PEAR1: variants seen among roughly 807,000 people sequenced by gnomAD.
PEAR1 encodes multiple EGF-like domains protein 12.
Under a neutral mutation model 131.2 loss-of-function variants are expected in PEAR1, and 113 were observed. The observed-to-expected ratio is 0.86, with a 90% CI of 0.74 to 1.01. PEAR1 has a LOEUF of 1.01. Ranked by LOEUF, PEAR1 falls within the 50% of genes least tolerant of loss-of-function variation. The probability of loss-of-function intolerance (pLI) is 0.00; values close to 1 mark genes in which losing one functional copy is unlikely to be tolerated. For missense variants in PEAR1, 1,408 were observed against 1,391.1 expected (o/e 1.01, Z -0.19); for synonymous variants, 565 against 523.3 (o/e 1.08, Z -1.09).
rs992998880 is a variant in PEAR1 at position 156,908,640 on chromosome 1, C to T, written c.1116-15C>T. On this transcript the variant is annotated splice_polypyrimidine_tract_variant and intron_variant, in intron 9 of 22. Coordinates refer to ENST00000292357, the MANE Select transcript of PEAR1 (RefSeq NM_001080471.3). This position sits in a 1 kb window ranked among gnomAD's most constrained non-coding sequence, Gnocchi z 4.2. ...CCCAGCTCAGACCGCGCCACGCCCC[C>T]GCCTCTGCCCCCAGCTGCCACCCGA... The T allele has an allele frequency of 2.6e-6, 4 of 1,512,166 alleles. No homozygotes were observed. The highest frequency in any genetic ancestry group is 2.8e-5 in the African/African-American group (2 of 72,516). The allele number at this position is 1,512,166 out of a possible 1,614,324, so 93.7% of individuals were successfully genotyped here.
At chr1:156,912,190 A>G (rs1192527138) in intron 15 of PEAR1, 57 bp from the exon 16 acceptor site, 2 of 1,555,114 alleles carry the variant, frequency 1.3e-6, no homozygotes, top group East Asian at 2.3e-5. Flanking sequence ...GGGGGCTGAG[A>G]GTTCATCCAG....
intron 1 of PEAR1, among the ~76,000 whole-genome samples, chr1:156,894,719 T>C (rs895789087): frequency 5.3e-5 from 8 of 152,202 alleles, no homozygotes; most frequent in Non-Finnish European, 1.5e-5. Context: ...TCCACTCCCC[T>C]GTTCTGGCCT....
rs4661076 is a variant in PEAR1 at position 156,908,628 on chromosome 1, G to A, written c.1116-27G>A. 82,557 of 1,498,660 alleles carry A rather than the reference G, an allele frequency of 0.055. 7,047 individuals are homozygous for A. Among genetic ancestry groups the A allele is most frequent in the East Asian group, 0.41 (16,604 of 40,478 alleles). The allele number at this position is 1,498,660 out of a possible 1,614,324, so 92.8% of individuals were successfully genotyped here. ...GCCCTGCCCCTGCCCAGCTCAGACC[G>A]CGCCACGCCCCCGCCTCTGCCCCCA... On this transcript the variant is annotated intron_variant, in intron 9 of 22. Transcript: ENST00000292357. The surrounding 1 kb of genome is among the most constrained non-coding windows in gnomAD (Gnocchi z 4.2).
chr1:156,911,069 CT>C (rs879378816), intron 15 of PEAR1, among the ~76,000 whole-genome samples: 1 of 115,572 alleles, frequency 8.7e-6, no homozygotes, highest in Admixed American at 8.5e-5. Context: ...TTCTTTCTTT[CT>C]TTCTTTCTTT....
chr1:156,895,208 C>G, intron 1 of PEAR1, among the ~76,000 whole-genome samples: 1 of 152,250 alleles, frequency 6.6e-6, no homozygotes, highest in East Asian at 1.9e-4. Flanking sequence ...CCTCTGTCCC[C>G]CCTCAACATC....
chr1:156,905,268 C>A, intron 3 of PEAR1, 56 bp from the exon 4 acceptor site: 1 of 1,560,726 alleles, frequency 6.4e-7, no homozygotes. Flanking sequence ...CCTGGCCACA[C>A]TGTGGTGAGT....
Position 156,905,324 on chromosome 1 carries a change from G to T in PEAR1, c.207G>T (p.Thr69=). 1.2e-6 allele frequency: 2 copies of T among 1,611,336 alleles called. No homozygotes were observed. Among genetic ancestry groups the T allele is most frequent in the Non-Finnish European group, 1.7e-6 (2 of 1,179,620 alleles). Residue 69 remains threonine, a splice_region_variant and synonymous_variant, in exon 4 of 23, where the codon ACG becomes ACT. Coordinates refer to ENST00000292357, the MANE Select transcript of PEAR1 (RefSeq NM_001080471.3). The part of the protein sequence containing the change: ...WEGPHTCPQP[T]VVYRTVYRQV... ...AGGGCCGCCTTCCTGGCCTCCGCAG[G>T]GTTGTATACCGGACCGTGTACCGTC... is the stretch of plus-strand genomic sequence containing the variant.
chr1:156,910,708 G>A lies in PEAR1; in HGVS notation c.1916G>A (p.Cys639Tyr). The A allele has an allele frequency of 1.3e-5, 21 of 1,614,122 alleles. No homozygotes were observed. Among genetic ancestry groups the A allele is most frequent in the Non-Finnish European group, 1.8e-5 (21 of 1,180,032 alleles). ...FCHPSNGTCYCLAGWTGPDCS... is the reference protein window; with the variant it reads ...FCHPSNGTCYYLAGWTGPDCS... Reference sequence around the variant, plus strand: ...CACCCCTCGAACGGGACCTGCTACTGCCTGGCTGGCTGGACAGGCCCCGAC... The same window carrying A: ...CACCCCTCGAACGGGACCTGCTACTACCTGGCTGGCTGGACAGGCCCCGAC... Residue 639 changes from cysteine (C) to tyrosine (Y), a missense_variant, in exon 15 of 23, where the codon TGC becomes TAC. Coordinates refer to ENST00000292357, the MANE Select transcript of PEAR1 (RefSeq NM_001080471.3).
At position 156,912,898 on chromosome 1, in the gene PEAR1, C is replaced by T. The variant is rs775780331; in HGVS notation, c.2338C>T (p.His780Tyr). Residue 780 changes from histidine to tyrosine, a missense_variant, in exon 18 of 23, where the codon CAC becomes TAC. By Grantham distance (83) the His-to-Tyr change is moderately conservative. Coordinates refer to ENST00000292357, the MANE Select transcript of PEAR1 (RefSeq NM_001080471.3). ...GGTGGCACTGTTCATTGGCTATCGGCACTGGCAAAAAGGCAAGGAGCACCA... is the reference window on the plus strand; with the variant it reads ...GGTGGCACTGTTCATTGGCTATCGGTACTGGCAAAAAGGCAAGGAGCACCA... The part of the protein sequence containing the change: ...ALVALFIGYR[H>Y]WQKGKEHHHL... 5.0e-6 allele frequency: 8 copies of T among 1,614,094 alleles called. No homozygotes were observed. In the African/African-American group the frequency reaches 5.3e-5, roughly 11 times the overall value.
Position 156,908,209 on chromosome 1 carries a change from C to CCCGG in PEAR1, c.987_990dup (p.Asn331GlyfsTer107). 4 of 1,603,138 alleles carry CCCGG rather than the reference C, an allele frequency of 2.5e-6. No homozygotes were observed. The highest frequency in any genetic ancestry group is 3.4e-6 in the Non-Finnish European group (4 of 1,178,922). On this transcript the variant is annotated frameshift_variant, in exon 9 of 23. Transcript: ENST00000292357. LOFTEE classifies it high-confidence loss of function. This position sits in a 1 kb window ranked among gnomAD's most constrained non-coding sequence, Gnocchi z 4.2. ...ACTGCGCCCCGGACGCCCGTTGCTT[C>CCCGG]CCGGCCAACGGCGCATGTCTGTGCG...
At chr1:156,907,569 T>C in intron 6 of PEAR1, 41 bp from the exon 7 acceptor site, 1 of 1,583,324 alleles carries the variant, frequency 6.3e-7, no homozygotes, top group Non-Finnish European at 8.6e-7. Context: ...GAAGCAGTTA[T>C]TGCTTGTTTG....
In PEAR1 at chr1:156,912,113, C is replaced by T. The variant is rs529833735; in HGVS notation, c.1952-134C>T. The T allele has an allele frequency of 3.0e-5, 33 of 1,111,010 alleles. No individual in the cohort carries two copies. The African/African-American group carries it at 3.8e-4, about 13-fold the overall frequency. 68.8% of individuals were successfully genotyped at this position (1,111,010 alleles called of 1,614,324 possible). On this transcript the variant is annotated intron_variant, in intron 15 of 22. Transcript: ENST00000292357. ...ATAATCATTTGTGAGTCATTGGTTG[C>T]AGATACTGTTCAAAGCTTTGGTGTG...
intron 1 of PEAR1, among the ~76,000 whole-genome samples, chr1:156,898,716 C>T: frequency 6.6e-6 from 1 of 152,154 alleles, no homozygotes; most frequent in East Asian, 1.9e-4. Flanking sequence ...AAGAGAGATA[C>T]AGGGCAAGAC....
At position 156,909,054 on chromosome 1, in the gene PEAR1, C is replaced by A. The variant is rs900973256; in HGVS notation, c.1411+18C>A. ...CAAGGAAGGTAATAGGGTGGAGTTT[C>A]CCAGAGAGAAGACTTGGGGGATGGC... On this transcript the variant is annotated intron_variant, in intron 11 of 22. Transcript: ENST00000292357. 1.9e-6 allele frequency: 3 copies of A among 1,613,494 alleles called. No homozygotes were observed. Among genetic ancestry groups the A allele is most frequent in the Non-Finnish European group, 2.5e-6 (3 of 1,179,938 alleles).
rs190050309 is a variant in PEAR1 at position 156,914,683 on chromosome 1, C to T, written c.2999C>T (p.Pro1000Leu). Residue 1000 changes from proline (P) to leucine (L), a missense_variant, in exon 23 of 23, where the codon CCG (proline) becomes CTG (leucine). Coordinates refer to ENST00000292357, the MANE Select transcript of PEAR1 (RefSeq NM_001080471.3). The part of the protein sequence containing the change: ...DSVGSQPPLP[P>L]GLPPGHYDSP... ...GTGGGCTCCCAGCCCCCTCTGCCTC[C>T]GGGCCTACCCCCCGGCCACTATGAC... 2.0e-5 allele frequency: 33 copies of T among 1,613,586 alleles called. No individual in the cohort carries two copies. Among genetic ancestry groups the T allele is most frequent in the African/African-American group, 1.2e-4 (9 of 75,024 alleles).
At chr1:156,912,170 C>G (rs1055986988) in intron 15 of PEAR1, 77 bp from the exon 16 acceptor site, 55 of 1,526,146 alleles carry the variant, frequency 3.6e-5, no homozygotes, top group Admixed American at 1.3e-4. Context: ...CTAAAGGCTT[C>G]AGTGATGCTG....
chr1:156,909,012 G>A lies in PEAR1; in HGVS notation c.1387G>A (p.Asp463Asn). 1.2e-6 allele frequency: 2 copies of A among 1,614,048 alleles called. No individual in the cohort carries two copies. The highest frequency in any genetic ancestry group is 2.7e-5 in the African/African-American group (2 of 75,040). ...AAATGCCATCGCCTGCTCACCCATC[G>A]ACGGCGAGTGCGTCTGCAAGGAAGG... ...CENAIACSPI[D>N]GECVCKEGWQ... Residue 463 changes from aspartate to asparagine, a missense_variant, in exon 11 of 23, where the codon GAC (aspartate) becomes AAC (asparagine). Coordinates refer to ENST00000292357, the MANE Select transcript of PEAR1 (RefSeq NM_001080471.3).
rs773000035 is a variant in PEAR1, at chr1:156,906,859, C to T, written c.623C>T (p.Pro208Leu). The T allele has an allele frequency of 3.1e-6, 5 of 1,613,978 alleles. No homozygotes were observed. The Admixed American group carries it at 6.7e-5, about 22-fold the overall frequency. ...CDPQTGACFC[P>L]AERTGPSCDV... ...CCCCAGACTGGAGCCTGCTTCTGCC[C>T]CGCAGAGAGAACTGGGCCCAGGTAT... The change falls in exon 6 of 23, where the codon CCC becomes CTC. Residue 208 changes from proline to leucine, a missense_variant. By Grantham distance (98) the Pro-to-Leu change is moderately conservative (BLOSUM62 -3). Transcript: ENST00000292357.
At chr1:156,906,990 T>C in intron 6 of PEAR1, 110 bp downstream of exon 6, 1 of 1,447,400 alleles carries the variant, frequency 6.9e-7, no homozygotes, top group Non-Finnish European at 9.2e-7. Context: ...GGGGATGATG[T>C]GGAGGCCAAG....
Sources: gnomAD v4.1 joint callset for allele counts (sites outside exome capture counted in the v4.1 genomes callset) on GRCh38, gnomAD v4.1.1 for gene constraint, Gnocchi (gnomAD v3.1) non-coding constraint, MANE v1.5 for transcripts, NCBI Gene and HGNC (gene_info 2026-07-23, HGNC 2026-07-21) for gene names.